The following COL24A1 variants were observed in gnomAD, a reference collection of about 807,000 sequenced individuals.
The protein encoded by COL24A1 is collagen alpha-1(XXIV) chain.
COL24A1 carries 224 observed loss-of-function variants against 253.9 expected under a neutral mutation model. The observed-to-expected ratio is 0.88, with a 90% CI of 0.79 to 0.99. COL24A1 has a LOEUF of 0.99. Among genes scored for constraint, COL24A1 ranks in the 50% least tolerant of loss-of-function variants. The pLI, the probability that COL24A1 is intolerant of heterozygous loss-of-function variation, is 0.00. For missense variants in COL24A1, 2,131 were observed against 2,068.5 expected, an observed-to-expected ratio of 1.03 and a Z score of -0.59; for synonymous variants, 685 against 673.7, an observed-to-expected ratio of 1.02 and a Z score of -0.26.
chr1:85,789,041 C>T (rs138210650), intron 47 of COL24A1, among the ~76,000 whole-genome samples: 183 of 152,162 alleles, frequency 1.2e-3, no homozygotes, highest in Middle Eastern at 3.4e-3. Context: ...CTTGGCTATA[C>T]GGGCTCTTTT....
chr1:85,954,141 A>C (rs1690206379), intron 24 of COL24A1, among the ~76,000 whole-genome samples: 1 of 152,214 alleles, frequency 6.6e-6, no homozygotes, highest in South Asian at 2.1e-4. Flanking sequence ...ATTACTCTTT[A>C]ATATGGCACG....
Position 86,146,155 on chromosome 1 carries a change from A to C in COL24A1, c.85T>G (p.Cys29Gly). Residue 29 changes from cysteine to glycine, a missense_variant, in exon 2 of 60, where the codon TGT becomes GGT. Transcript: ENST00000370571. The part of the protein sequence containing the change: ...TKSLLHFIVL[C>G]VAGVVVHAQE... ...GCATGAACAACCACCCCAGCCACAC[A>C]TAGTACAATAAAATGAAGAAGTGAT... 1 of 1,611,612 alleles carries C rather than the reference A, an allele frequency of 6.2e-7. No homozygotes were observed. The highest frequency in any genetic ancestry group is 2.2e-5 in the East Asian group (1 of 44,762).
At chr1:85,783,737 T>C (rs183061128) in intron 50 of COL24A1, among the ~76,000 whole-genome samples, 179 bp from the exon 51 acceptor site, 6 of 152,172 alleles carry the variant, frequency 3.9e-5, no homozygotes, top group Non-Finnish European at 8.8e-5. Flanking sequence ...AATACACCAA[T>C]GAAGGGAGAG....
At chr1:85,986,577 G>A (rs1466756615) in intron 20 of COL24A1, among the ~76,000 whole-genome samples, 1 of 151,742 alleles carries the variant, frequency 6.6e-6, no homozygotes, top group African/African-American at 2.4e-5. Context: ...TGGCTATATA[G>A]CTTAAAGTTA....
intron 58 of COL24A1, among the ~76,000 whole-genome samples, chr1:85,736,917 A>C (rs1664116849): frequency 6.6e-6 from 1 of 152,198 alleles, no homozygotes; most frequent in Admixed American, 6.5e-5. Flanking sequence ...AGAATTATTC[A>C]TGAAAGAAGT....
At position 86,103,236 on chromosome 1, in the gene COL24A1, G is replaced by A. The variant is rs191970602; in HGVS notation, c.1599+9331C>T. On this transcript the variant is annotated intron_variant, in intron 5 of 59. Coordinates refer to ENST00000370571, the MANE Select transcript of COL24A1 (RefSeq NM_152890.7). Reference sequence around the variant, plus strand: ...TTTTCTGTTTTCCATTTGCTTGATAGATTTTTCTTTATCTCTTTATTTTGA... The same window carrying A: ...TTTTCTGTTTTCCATTTGCTTGATAAATTTTTCTTTATCTCTTTATTTTGA... Among the ~76,000 whole-genome samples, 944 of 152,156 alleles carry A rather than the reference G, an allele frequency of 6.2e-3. 7 individuals carry two copies. Among genetic ancestry groups the A allele is most frequent in the Middle Eastern group, 0.027 (8 of 294 alleles).
intron 43 of COL24A1, among the ~76,000 whole-genome samples, chr1:85,835,835 T>A (rs942321464): frequency 9.8e-5 from 15 of 152,298 alleles, no homozygotes; most frequent in African/African-American, 3.6e-4. Context: ...TTGCACATGA[T>A]GGCGTTCAAG....
At chr1:85,974,514 A>T (rs1385515649) in intron 20 of COL24A1, among the ~76,000 whole-genome samples, 1 of 152,148 alleles carries the variant, frequency 6.6e-6, no homozygotes, top group Non-Finnish European at 1.5e-5. Flanking sequence ...TTCCATTTAC[A>T]TGAATTTACA....
intron 12 of COL24A1, among the ~76,000 whole-genome samples, chr1:86,040,588 C>T (rs17128766): frequency 0.075 from 11,378 of 151,310 alleles, 1,072 homozygotes; most frequent in East Asian, 0.42. Flanking sequence ...GCCTGGACTT[C>T]CTCCAAATTA....
chr1:85,953,953 C>T (rs1282847915), intron 24 of COL24A1, among the ~76,000 whole-genome samples: 1 of 152,098 alleles, frequency 6.6e-6, no homozygotes, highest in African/African-American at 2.4e-5. Flanking sequence ...GGGCTAATTG[C>T]CTCTGGGCAG....
intron 19 of COL24A1, among the ~76,000 whole-genome samples, chr1:85,989,551 G>A (rs777012384): frequency 6.6e-6 from 1 of 151,690 alleles, no homozygotes; most frequent in African/African-American, 2.4e-5. Context: ...TTTTCACTCC[G>A]TAGCCAGACT....
At chr1:86,119,567 G>A (rs1477204897) in intron 3 of COL24A1, among the ~76,000 whole-genome samples, 1 of 152,066 alleles carries the variant, frequency 6.6e-6, no homozygotes, top group Non-Finnish European at 1.5e-5. Flanking sequence ...TGATACAAAG[G>A]GTTTCGCAAC....
chr1:85,894,192 G>A (rs1272792659), intron 31 of COL24A1, among the ~76,000 whole-genome samples: 1 of 152,126 alleles, frequency 6.6e-6, no homozygotes, highest in Non-Finnish European at 1.5e-5. Context: ...CAATCAAGGA[G>A]AAGGAGACAA....
chr1:85,912,673 G>A (rs1685488452), intron 24 of COL24A1, among the ~76,000 whole-genome samples: 1 of 152,078 alleles, frequency 6.6e-6, no homozygotes, highest in South Asian at 2.1e-4. Flanking sequence ...AGCAGATATA[G>A]TATTATCATC....
In COL24A1 at chr1:86,092,367, T is replaced by A. The variant is rs759780841; in HGVS notation, c.1600-47A>T. ...CAGTTGGTGAAGCATAAGTTGCATA[T>A]AATGTGTCATATATCTTCAGGTATT... On this transcript the variant is annotated intron_variant, in intron 5 of 59. Transcript: ENST00000370571. 41 of 1,338,086 alleles carry A rather than the reference T, an allele frequency of 3.1e-5. 1 individual carries two copies. In the Admixed American group the frequency reaches 3.2e-4, roughly 10 times the overall value. The allele number at this position is 1,338,086 out of a possible 1,614,324, so 82.9% of individuals were successfully genotyped here.
At chr1:85,961,051 A>C (rs898875297) in intron 24 of COL24A1, among the ~76,000 whole-genome samples, 198 bp downstream of exon 24, 1 of 152,120 alleles carries the variant, frequency 6.6e-6, no homozygotes, top group Non-Finnish European at 1.5e-5. Context: ...AATGTCATCA[A>C]TTGTGTTTTC....
intron 53 of COL24A1, among the ~76,000 whole-genome samples, chr1:85,766,464 G>C (rs1667395437): frequency 6.6e-6 from 1 of 151,034 alleles, no homozygotes; most frequent in South Asian, 2.1e-4. Flanking sequence ...TCCATAGGCA[G>C]GCAGACCGGG....
chr1:85,970,284 A>G lies in COL24A1; in HGVS notation c.2419-13T>C. On this transcript the variant is annotated splice_polypyrimidine_tract_variant and intron_variant, in intron 21 of 59. Coordinates refer to ENST00000370571, the MANE Select transcript of COL24A1 (RefSeq NM_152890.7). ...GTCCTTCTTCTCCCTTAAAAAAAAA[A>G]AAAGTCAGAACATATTATGGCCTAA... is the stretch of plus-strand genomic sequence containing the variant. 6.3e-7 allele frequency: 1 copy of G among 1,586,566 alleles called. No individual in the cohort carries two copies. Among genetic ancestry groups the G allele is most frequent in the Non-Finnish European group, 8.5e-7 (1 of 1,170,308 alleles).
Position 85,783,534 on chromosome 1 carries a change from C to A in COL24A1, c.4246G>T (p.Val1416Phe), listed in dbSNP as rs747124001. 26 of 1,613,336 alleles carry A rather than the reference C, an allele frequency of 1.6e-5. No homozygotes were observed. The highest frequency in any genetic ancestry group is 1.6e-4 in the Middle Eastern group (1 of 6,078). ...PKGPEGDAGI[V>F]GISGPKGPIG... ...GGACCTTTAGGACCTGATATCCCAACAATGCCAGCATCCCCTTCAGGACCC... is the reference window on the plus strand; with the variant it reads ...GGACCTTTAGGACCTGATATCCCAAAAATGCCAGCATCCCCTTCAGGACCC... The change falls in exon 51 of 60, where the codon GTT becomes TTT. Residue 1416 changes from valine (V) to phenylalanine (F), a missense_variant. Physicochemically the swap from Val to Phe is conservative, Grantham distance 50. Transcript: ENST00000370571.
Sources: allele counts gnomAD v4.1 joint callset (sites outside exome capture counted in the v4.1 genomes callset), GRCh38; gene constraint gnomAD v4.1.1; transcripts MANE v1.5; gene names NCBI Gene and HGNC (gene_info 2026-07-23, HGNC 2026-07-21).